RANBP3: variants seen among roughly 807,000 people sequenced by gnomAD.
RANBP3 encodes ran-binding protein 3.
A neutral mutation model predicts 77.3 loss-of-function variants in RANBP3; 14 were observed. The ratio of observed to expected loss-of-function variants is 0.18; its 90% confidence interval spans 0.12 to 0.28. The LOEUF (loss-of-function observed/expected upper bound fraction) is 0.28. Among genes scored for constraint, RANBP3 ranks in the 10% least tolerant of loss-of-function variants. RANBP3 has a pLI of 1.00. For synonymous variants in RANBP3, 315 were observed against 312.4 expected, an observed-to-expected ratio of 1.01 and a Z score of -0.09; for missense variants, 586 against 752.3, an observed-to-expected ratio of 0.78 and a Z score of 2.59.
At chr19:5,927,413 C>T (rs534317419) in intron 9 of RANBP3, among the ~76,000 whole-genome samples, 3 of 152,272 alleles carry the variant, frequency 2.0e-5, no homozygotes, top group South Asian at 2.1e-4. Context: ...TTAATGGGGG[C>T]GATTCTACTC....
chr19:5,938,610 T>C (rs923442409), intron 5 of RANBP3, among the ~76,000 whole-genome samples: 6 of 152,224 alleles, frequency 3.9e-5, no homozygotes, highest in Admixed American at 3.9e-4. Flanking sequence ...GAGAATTGCT[T>C]GAACCCAGGA....
chr19:5,943,911 G>A (rs12459051), intron 3 of RANBP3, among the ~76,000 whole-genome samples: 102,782 of 152,072 alleles, frequency 0.68, 34,904 homozygotes, highest in Admixed American at 0.78. Flanking sequence ...TACCAACTCC[G>A]GCCAGGCCAA....
chr19:5,951,732 G>A lies in RANBP3; in HGVS notation c.79-136C>T, dbSNP rs2058279291. On this transcript the variant is annotated intron_variant, in intron 2 of 16. Transcript: ENST00000340578. ...TGCGCCTGGGAGGAAGATGGGGAGA[G>A]CAGGCACCTGCTTCTGGGTTCTGCT... The A allele has an allele frequency of 1.6e-5, 12 of 767,854 alleles. No homozygotes were observed. In the East Asian group the frequency reaches 3.2e-4, roughly 21 times the overall value. The allele number at this position is 767,854 out of a possible 1,614,324, so 47.6% of individuals were successfully genotyped here. A position where few individuals can be genotyped will look rare whatever the true frequency, so the allele number is the denominator to read the frequency against.
intron 5 of RANBP3, among the ~76,000 whole-genome samples, chr19:5,940,640 G>A (rs1269764382): frequency 6.6e-6 from 1 of 152,198 alleles, no homozygotes. Flanking sequence ...TCTGTAAGCA[G>A]AAACAACTTG....
At chr19:5,930,372 C>G (rs1232404154) in intron 8 of RANBP3, among the ~76,000 whole-genome samples, 1 of 152,200 alleles carries the variant, frequency 6.6e-6, no homozygotes, top group African/African-American at 2.4e-5. Context: ...AGGCCATGGA[C>G]ACAGAGCGGA....
At chr19:5,951,327 G>C (rs2058271491) in intron 3 of RANBP3, 66 bp downstream of exon 3, 6 of 1,424,608 alleles carry the variant, frequency 4.2e-6, no homozygotes, top group Non-Finnish European at 5.8e-6. Context: ...GGACCCGAAG[G>C]GAAAGTGGCT....
At chr19:5,937,686 G>A (rs1010486854) in intron 5 of RANBP3, among the ~76,000 whole-genome samples, 3 of 152,216 alleles carry the variant, frequency 2.0e-5, no homozygotes, top group African/African-American at 7.2e-5. Context: ...GAACTGATGT[G>A]TGGCTGATAT....
At chr19:5,969,623 T>C (rs1047136469) in intron 1 of RANBP3, among the ~76,000 whole-genome samples, 30 of 152,214 alleles carry the variant, frequency 2.0e-4, no homozygotes, top group Non-Finnish European at 1.0e-4. Context: ...ACCTAGAGTT[T>C]ACTGACTCAC....
At position 5,941,631 on chromosome 19, in the gene RANBP3, G is replaced by C. The variant is rs2058138438; in HGVS notation, c.396C>G (p.Pro132=). 4 of 1,612,164 alleles carry C rather than the reference G, an allele frequency of 2.5e-6. No individual in the cohort carries two copies. Among genetic ancestry groups the C allele is most frequent in the African/African-American group, 2.7e-5 (2 of 74,884 alleles). ...ERTSSLTQFP[P]SQSEERSSGF... is the part of the protein sequence containing the mutation. ...GTTTGCATATTTTACCTGACTGTGA[G>C]GGTGGGAACTGGGTTAAAGAGGATG... Residue 132 remains proline, a synonymous_variant, in exon 5 of 17, where the codon CCC becomes CCG. Coordinates refer to ENST00000340578, the MANE Select transcript of RANBP3 (RefSeq NM_007322.3).
At chr19:5,936,102 C>A (rs2058060899) in intron 5 of RANBP3, among the ~76,000 whole-genome samples, 1 of 152,216 alleles carries the variant, frequency 6.6e-6, no homozygotes, top group African/African-American at 2.4e-5. Flanking sequence ...CCCCAGGGAG[C>A]CCCGATTTAA....
intron 2 of RANBP3, among the ~76,000 whole-genome samples, chr19:5,957,336 G>A (rs1423114095): frequency 6.6e-6 from 1 of 152,136 alleles, no homozygotes; most frequent in Non-Finnish European, 1.5e-5. Context: ...TGAATCAGGC[G>A]AGGTACTTCC....
chr19:5,939,945 C>A (rs73920092), intron 5 of RANBP3, among the ~76,000 whole-genome samples: 1,818 of 152,374 alleles, frequency 0.012, 27 homozygotes, highest in African/African-American at 0.042. Context: ...CCTGTCAAGG[C>A]TTGTCCATGG....
intron 1 of RANBP3, among the ~76,000 whole-genome samples, chr19:5,964,424 T>C (rs1231248121): frequency 6.6e-6 from 1 of 152,090 alleles, no homozygotes; most frequent in East Asian, 1.9e-4. Context: ...ATGAAAAGAT[T>C]CAATCCTAAT....
At chr19:5,966,309 A>G (rs561102307) in intron 1 of RANBP3, among the ~76,000 whole-genome samples, 6 of 152,224 alleles carry the variant, frequency 3.9e-5, no homozygotes, top group Non-Finnish European at 5.9e-5. Context: ...CACCTGCCTC[A>G]GCCAACACAG....
rs543361706 is a variant in RANBP3 at position 5,958,062 on chromosome 19, T to C, written c.23-89A>G. 31 of 1,191,272 alleles carry C rather than the reference T, an allele frequency of 2.6e-5. No individual in the cohort carries two copies. The highest frequency in any genetic ancestry group is 3.9e-5 in the South Asian group (3 of 77,886). 73.8% of individuals were successfully genotyped at this position (1,191,272 alleles called of 1,614,324 possible). ...ACTTGTTTGTAATATGTTAAACATA[T>C]ATATAAATGAAACTAGTAACTCCAG... On this transcript the variant is annotated intron_variant, in intron 1 of 16. Transcript: ENST00000340578. This position sits in a 1 kb window ranked among gnomAD's most constrained non-coding sequence, Gnocchi z 4.4.
At position 5,917,626 on chromosome 19, in the gene RANBP3, G is replaced by A. The variant is rs1019431734; in HGVS notation, c.1688C>T (p.Thr563Met). 6.2e-7 allele frequency: 1 copy of A among 1,605,446 alleles called. No homozygotes were observed. Residue 563 changes from threonine to methionine, a missense_variant, in exon 17 of 17, where the codon ACG becomes ATG. By Grantham distance (81) the Thr-to-Met change is moderately conservative (BLOSUM62 -1). Coordinates refer to ENST00000340578, the MANE Select transcript of RANBP3 (RefSeq NM_007322.3). The stretch of plus-strand genomic sequence containing the variant: ...TCCCGGCCGCTATGTGCTCCCGGTC[G>A]TCTGCCCGTCCCCTTCGTCACCAGC... ...AGAGDEGDGQ[T>M]TGST
At position 5,927,949 on chromosome 19, in the gene RANBP3, G is replaced by A. The variant is rs1217288753; in HGVS notation, c.813+19C>T. Reference sequence around the variant, plus strand: ...GGAAGGCATAAAAAGTCAATGTGCTGGTTCAACAGCTCACATACCTTAACT... The same window carrying A: ...GGAAGGCATAAAAAGTCAATGTGCTAGTTCAACAGCTCACATACCTTAACT... On this transcript the variant is annotated intron_variant, in intron 9 of 16. Coordinates refer to ENST00000340578, the MANE Select transcript of RANBP3 (RefSeq NM_007322.3). 7.5e-6 allele frequency: 12 copies of A among 1,593,200 alleles called. No homozygotes were observed. Among genetic ancestry groups the A allele is most frequent in the African/African-American group, 1.4e-5 (1 of 73,556 alleles).
At chr19:5,947,063 C>T (rs2058214165) in intron 3 of RANBP3, among the ~76,000 whole-genome samples, 1 of 152,154 alleles carries the variant, frequency 6.6e-6, no homozygotes, top group African/African-American at 2.4e-5. Context: ...CCTGTAATCC[C>T]AGCACTTTGG....
intron 5 of RANBP3, among the ~76,000 whole-genome samples, chr19:5,939,501 C>T (rs929868411): frequency 4.6e-5 from 7 of 152,314 alleles, no homozygotes; most frequent in East Asian, 1.9e-4. Context: ...GCAGAGGGGC[C>T]GGGGCTCACT....
Sources: allele counts gnomAD v4.1 joint callset (sites outside exome capture counted in the v4.1 genomes callset), GRCh38; gene constraint gnomAD v4.1.1; non-coding constraint Gnocchi (gnomAD v3.1); transcripts MANE v1.5; gene names NCBI Gene and HGNC (gene_info 2026-07-23, HGNC 2026-07-21).